The following ZNF469 variants were observed in gnomAD, a reference collection of about 807,000 sequenced individuals.
ZNF469 encodes the protein zinc finger protein 469.
Under a neutral mutation model 1.0 loss-of-function variants are expected in ZNF469, and 1 was observed. The observed-to-expected ratio is 1.00, with a 90% CI of 0.35 to 4.73. The LOEUF is 4.73. Ranked by LOEUF, ZNF469 falls within the 30% of genes most tolerant of loss-of-function variation. The probability of loss-of-function intolerance (pLI) is 0.16; values close to 1 mark genes in which losing one functional copy is unlikely to be tolerated. For missense variants in ZNF469, 6,100 were observed against 5,356.3 expected, an observed-to-expected ratio of 1.14 and a Z score of -4.33; for synonymous variants, 2,703 against 2,363.4, an observed-to-expected ratio of 1.14 and a Z score of -4.17.
the ZNF469 span, among the ~76,000 whole-genome samples, chr16:88,174,108 T>C: frequency 3.3e-5 from 5 of 152,106 alleles, no homozygotes; most frequent in African/African-American, 1.2e-4. Flanking sequence ...AGAAATGCAA[T>C]TTAAATAAGA....
the ZNF469 span, among the ~76,000 whole-genome samples, chr16:88,305,335 C>T: frequency 6.6e-6 from 1 of 150,946 alleles, no homozygotes; most frequent in Non-Finnish European, 1.5e-5. Flanking sequence ...CACACACGCA[C>T]ACCCTCACAC....
At chr16:88,414,468 T>A (rs1905254810) in intron 1 of ZNF469, among the ~76,000 whole-genome samples, 1 of 152,224 alleles carries the variant, frequency 6.6e-6, no homozygotes, top group South Asian at 2.1e-4. Context: ...CCAGGGATGC[T>A]GTGGCGCCGG....
chr16:88,439,423 C>G lies in ZNF469; in HGVS notation c.*91C>G, dbSNP rs1293863876. Reference sequence around the variant, plus strand: ...CTCCGGCTCCCTGAGATGGTCCACTCTGTGGCCACTTGACTTCTTGTGCAA... The same window carrying G: ...CTCCGGCTCCCTGAGATGGTCCACTGTGTGGCCACTTGACTTCTTGTGCAA... On this transcript the variant is annotated 3_prime_UTR_variant, in exon 3 of 3. Transcript: ENST00000565624. The G allele has an allele frequency of 1.1e-5, 16 of 1,397,190 alleles. No individual in the cohort carries two copies. The highest frequency in any genetic ancestry group is 1.5e-5 in the Non-Finnish European group (15 of 1,011,296). 86.5% of individuals were successfully genotyped at this position (1,397,190 alleles called of 1,614,324 possible).
the ZNF469 span, among the ~76,000 whole-genome samples, chr16:88,158,141 G>T: frequency 1.3e-5 from 2 of 152,030 alleles, no homozygotes; most frequent in African/African-American, 4.8e-5. Flanking sequence ...AGGGACCTGA[G>T]AATGTGCATT....
chr16:88,435,558 C>T lies in ZNF469; in HGVS notation c.8088C>T (p.Ala2696=). The T allele has an allele frequency of 6.5e-7, 1 of 1,549,928 alleles. No homozygotes were observed. The highest frequency in any genetic ancestry group is 8.7e-7 in the Non-Finnish European group (1 of 1,146,984). ...ACGGGGAGCAGCCGCCTCGCTTGGC[C>T]ACTCTGGGACCTGGGGTGATGGAGG... is the stretch of plus-strand genomic sequence containing the variant. ...EADGEQPPRL[A]TLGPGVMEGA... is the part of the protein sequence containing the mutation. Residue 2696 remains alanine (A), a synonymous_variant, in exon 3 of 3, where the codon GCC becomes GCT. Coordinates refer to ENST00000565624, the MANE Select transcript of ZNF469 (RefSeq NM_001367624.2).
At chr16:88,404,527 G>A (rs1483850078) in intron 1 of ZNF469, among the ~76,000 whole-genome samples, 1 of 152,236 alleles carries the variant, frequency 6.6e-6, no homozygotes, top group Admixed American at 6.5e-5. Context: ...AGCTGTCATG[G>A]CTGAGCCACA....
Position 88,436,815 on chromosome 16 carries a change from C to T in ZNF469, c.9345C>T (p.Tyr3115=). 1.3e-6 allele frequency: 2 copies of T among 1,540,180 alleles called. No homozygotes were observed. Among genetic ancestry groups the T allele is most frequent in the Non-Finnish European group, 1.7e-6 (2 of 1,146,082 alleles). Reference sequence around the variant, plus strand: ...CGGCCAAGGGCAGGCGGGCCTCCTACAAGTGCAAAGTGTGCTTCCAGCGCT... The same window carrying T: ...CGGCCAAGGGCAGGCGGGCCTCCTATAAGTGCAAAGTGTGCTTCCAGCGCT... ...GRPAKGRRAS[Y]KCKVCFQRFR... is the part of the protein sequence containing the mutation. Residue 3115 remains tyrosine (Y), a synonymous_variant, in exon 3 of 3, where the codon TAC becomes TAT. Coordinates refer to ENST00000565624, the MANE Select transcript of ZNF469 (RefSeq NM_001367624.2).
At chr16:88,332,272 C>T in the ZNF469 span, among the ~76,000 whole-genome samples, 4 of 152,348 alleles carry the variant, frequency 2.6e-5, no homozygotes, top group South Asian at 2.1e-4. Context: ...TTAAGCGGGT[C>T]GGGTTTCGGC....
chr16:88,143,605 G>T, the ZNF469 span, among the ~76,000 whole-genome samples: 8 of 152,248 alleles, frequency 5.3e-5, no homozygotes, highest in African/African-American at 1.7e-4. Context: ...GGTGGCCCAG[G>T]CCCAGGGCTG....
At chr16:88,150,258 C>T in the ZNF469 span, among the ~76,000 whole-genome samples, 13 of 151,992 alleles carry the variant, frequency 8.6e-5, no homozygotes, top group East Asian at 3.9e-4. Context: ...TGCAGTGAAC[C>T]GAGATCACAC....
intron 1 of ZNF469, among the ~76,000 whole-genome samples, chr16:88,420,450 C>T (rs554404377): frequency 1.3e-4 from 20 of 152,212 alleles, no homozygotes; most frequent in Non-Finnish European, 2.9e-4. Flanking sequence ...GATCCAACCT[C>T]CATTTACAGT....
At chr16:88,389,001 T>C (rs1171884213) in intron 1 of ZNF469, among the ~76,000 whole-genome samples, 2 of 152,246 alleles carry the variant, frequency 1.3e-5, no homozygotes, top group African/African-American at 4.8e-5. Flanking sequence ...TGTAGGAACC[T>C]TTTCTACAGA....
In ZNF469 at chr16:88,438,442, G is replaced by A. The variant is rs1105066; in HGVS notation, c.10972G>A (p.Glu3658Lys). 1 of 1,549,896 alleles carries A rather than the reference G, an allele frequency of 6.5e-7. No individual in the cohort carries two copies. The highest frequency in any genetic ancestry group is 8.7e-7 in the Non-Finnish European group (1 of 1,146,902). ...KEVSSSHMVS[E>K]GGPRGAFHKG... The stretch of plus-strand genomic sequence containing the variant: ...GGTGTCCTCAAGCCACATGGTGTCT[G>A]AGGGGGGGCCCCGAGGCGCCTTCCA... The change falls in exon 3 of 3, where the codon GAG (glutamate) becomes AAG (lysine). Residue 3658 changes from glutamate (E) to lysine (K), a missense_variant. Coordinates refer to ENST00000565624, the MANE Select transcript of ZNF469 (RefSeq NM_001367624.2).
the ZNF469 span, among the ~76,000 whole-genome samples, chr16:88,264,554 A>G: frequency 1.6e-5 from 2 of 125,524 alleles, no homozygotes; most frequent in South Asian, 5.3e-4. Context: ...CTGGCCCCTC[A>G]TCCCAGCCCC....
At chr16:88,208,803 ACT>A in the ZNF469 span, among the ~76,000 whole-genome samples, 9,282 of 123,252 alleles carry the variant, frequency 0.075, 395 homozygotes, top group East Asian at 0.21. Flanking sequence ...ACACACACAC[ACT>A]CTCTCTCTCT....
At chr16:88,231,573 C>G in the ZNF469 span, among the ~76,000 whole-genome samples, 90 of 152,264 alleles carry the variant, frequency 5.9e-4, no homozygotes, top group African/African-American at 2.1e-3. This position sits in a 1 kb window ranked among gnomAD's most constrained non-coding sequence, Gnocchi z 4.5. Context: ...GGGTCCTTTT[C>G]TTACCTTTGT....
chr16:88,367,322 T>C, the ZNF469 span, among the ~76,000 whole-genome samples: 1 of 152,338 alleles, frequency 6.6e-6, no homozygotes, highest in African/African-American at 2.4e-5. Context: ...AAGCCCACTT[T>C]ACAGATGAGG....
the ZNF469 span, among the ~76,000 whole-genome samples, chr16:88,253,014 C>T: frequency 1.3e-5 from 2 of 152,272 alleles, no homozygotes; most frequent in Non-Finnish European, 2.9e-5. Flanking sequence ...TTTGAGATTA[C>T]GCTGTTGTGT....
At chr16:88,337,734 C>T in the ZNF469 span, among the ~76,000 whole-genome samples, 1 of 152,222 alleles carries the variant, frequency 6.6e-6, no homozygotes, top group African/African-American at 2.4e-5. Context: ...CTCGCCGCAG[C>T]TGTGACGCAC....
Sources: allele counts gnomAD v4.1 joint callset (sites outside exome capture counted in the v4.1 genomes callset), GRCh38; gene constraint gnomAD v4.1.1; non-coding constraint Gnocchi (gnomAD v3.1); transcripts MANE v1.5; gene names NCBI Gene and HGNC (gene_info 2026-07-23, HGNC 2026-07-21).